AMTN: variants seen among roughly 807,000 people sequenced by gnomAD.
AMTN encodes the protein amelotin, also known as RSTI689.
Under a neutral mutation model 27.4 loss-of-function variants are expected in AMTN, and 29 were observed. The ratio of observed to expected loss-of-function variants is 1.06; its 90% CI spans 0.79 to 1.44. The LOEUF is 1.44. Ranked by LOEUF, AMTN falls within the 40% of genes most tolerant of loss-of-function variation. The pLI is 0.00. For synonymous variants in AMTN, 86 were observed against 95.7 expected (o/e 0.90, Z 0.59); for missense variants, 247 against 248.8 (o/e 0.99, Z 0.05).
intron 2 of AMTN, among the ~76,000 whole-genome samples, chr4:70,522,371 G>A (rs1320760369): frequency 1.3e-5 from 2 of 152,154 alleles, no homozygotes; most frequent in South Asian, 2.1e-4. Context: ...TGAAAAGGTA[G>A]TAAGAATGAC....
rs548941679 is a variant in AMTN, at chr4:70,527,844, T to G, written c.295-879T>G. On this transcript the variant is annotated intron_variant, in intron 5 of 8. Transcript: ENST00000339336. ...CTCACTCGAATCTTTTTCATCTTTT[T>G]GTGAACTAAATTTATAATATTTAGT... 1.5e-3 allele frequency among the ~76,000 whole-genome samples: 225 copies of G among 152,208 alleles called. 1 individual carries two copies. The highest frequency in any genetic ancestry group is 5.4e-4 in the Non-Finnish European group (37 of 68,040).
chr4:70,528,714 T>C lies in AMTN; in HGVS notation c.295-9T>C, dbSNP rs753857280. The C allele has an allele frequency of 2.5e-6, 4 of 1,606,706 alleles. No homozygotes were observed. The South Asian group carries it at 3.3e-5, about 13-fold the overall frequency. On this transcript the variant is annotated splice_polypyrimidine_tract_variant and intron_variant, in intron 5 of 8. Coordinates refer to ENST00000339336, the MANE Select transcript of AMTN (RefSeq NM_212557.4). ...TACTTTTGAAAGAGTTTTTCTCTCA[T>C]TTTTTCAGGTGTTACCAATTTTTGT...
In AMTN at chr4:70,531,132, G is replaced by A. The variant is rs762928865; in HGVS notation, c.451G>A (p.Gly151Arg). Residue 151 changes from glycine (G) to arginine (R), a missense_variant, in exon 8 of 9, where the codon GGA becomes AGA. Transcript: ENST00000339336. ...QAGANPDVQD[G>R]SLPAGGAGVN... ...AGGGGCTAATCCAGATGTCCAGGAT[G>A]GAAGCCTTCCAGCAGGAGGAGCAGG... 2 of 1,614,070 alleles carry A rather than the reference G, an allele frequency of 1.2e-6. No homozygotes were observed. The highest frequency in any genetic ancestry group is 1.1e-5 in the South Asian group (1 of 91,082).
At chr4:70,528,663 C>G in intron 5 of AMTN, 60 bp from the exon 6 acceptor site, 2 of 1,448,288 alleles carry the variant, frequency 1.4e-6, no homozygotes, top group African/African-American at 2.8e-5. Flanking sequence ...AAAAAGATAT[C>G]AGTATTTATA....
In AMTN at chr4:70,531,256, G is replaced by A; in HGVS notation, c.575G>A (p.Arg192Lys). 1 of 1,613,972 alleles carries A rather than the reference G, an allele frequency of 6.2e-7. No homozygotes were observed. The highest frequency in any genetic ancestry group is 8.5e-7 in the Non-Finnish European group (1 of 1,179,944). The change falls in exon 8 of 9, where the codon AGG (arginine) becomes AAG (lysine). Residue 192 changes from arginine (R) to lysine (K), a missense_variant. By Grantham distance (26) the Arg-to-Lys change is conservative. Coordinates refer to ENST00000339336, the MANE Select transcript of AMTN (RefSeq NM_212557.4). ...FAVTTPAGIQ[R>K]STHAIEEATT... ...GTGACCACCCCTGCAGGCATCCAAAGGAGCACACATGCCATCGAGGAAGCC... is the reference window on the plus strand; with the variant it reads ...GTGACCACCCCTGCAGGCATCCAAAAGAGCACACATGCCATCGAGGAAGCC...
chr4:70,532,302 G>A (rs1435996186), intron 8 of AMTN, among the ~76,000 whole-genome samples, 153 bp from the exon 9 acceptor site: 1 of 152,220 alleles, frequency 6.6e-6, no homozygotes, highest in African/African-American at 2.4e-5. Flanking sequence ...TGCTTAACAT[G>A]TGAAAATGTC....
At position 70,523,746 on chromosome 4, in the gene AMTN, A is replaced by G. The variant is rs1052933285; in HGVS notation, c.139-122A>G. ...TGAGAGGCCCCGAGGCTTCATCTTTATTTACCTTCATGGTAAACCCACCTC... is the reference window on the plus strand; with the variant it reads ...TGAGAGGCCCCGAGGCTTCATCTTTGTTTACCTTCATGGTAAACCCACCTC... On this transcript the variant is annotated intron_variant, in intron 3 of 8. Coordinates refer to ENST00000339336, the MANE Select transcript of AMTN (RefSeq NM_212557.4). The G allele has an allele frequency of 2.4e-5, 20 of 817,624 alleles. No homozygotes were observed. In the Admixed American group the frequency reaches 3.6e-4, roughly 15 times the overall value. 50.6% of individuals were successfully genotyped at this position (817,624 alleles called of 1,614,324 possible).
intron 4 of AMTN, among the ~76,000 whole-genome samples, chr4:70,524,657 G>A (rs867475822): frequency 1.5e-5 from 2 of 129,380 alleles, no homozygotes; most frequent in African/African-American, 5.0e-5. Context: ...ACTTAACAGG[G>A]GAAAAGTTAG....
chr4:70,519,636 A>T (rs980301804), intron 2 of AMTN, among the ~76,000 whole-genome samples: 3 of 152,200 alleles, frequency 2.0e-5, no homozygotes, highest in African/African-American at 7.2e-5. Flanking sequence ...CTGAAGAAAC[A>T]ATAGTGAGAA....
In AMTN at chr4:70,523,877, T is replaced by C. The variant is rs34803339; in HGVS notation, c.148T>C (p.Ser50Pro). ...TTTCAATCCCCTGCAGGTCTTTCCT[T>C]CTTTAAGTCTGATACCATTAACACA... ...NQQQSNQVFP[S>P]LSLIPLTQML... The change falls in exon 4 of 9, where the codon TCT becomes CCT. Residue 50 changes from serine to proline, a missense_variant. Physicochemically the swap from Ser to Pro is moderately conservative, Grantham distance 74. Coordinates refer to ENST00000339336, the MANE Select transcript of AMTN (RefSeq NM_212557.4). 9,906 of 1,613,634 alleles carry C rather than the reference T, an allele frequency of 6.1e-3. 310 individuals are homozygous for C. The African/African-American group carries it at 0.073, about 12-fold the overall frequency.
chr4:70,524,467 A>G (rs28619152), intron 4 of AMTN, among the ~76,000 whole-genome samples: 3 of 152,136 alleles, frequency 2.0e-5, no homozygotes, highest in Non-Finnish European at 4.4e-5. Context: ...TCCAGACAAA[A>G]TATGTAGTCT....
Position 70,531,019 on chromosome 4 carries a change from G to C in AMTN, c.358-20G>C, listed in dbSNP as rs1218676588. 6.2e-7 allele frequency: 1 copy of C among 1,611,734 alleles called. No individual in the cohort carries two copies. Among genetic ancestry groups the C allele is most frequent in the Middle Eastern group, 1.7e-4 (1 of 6,034 alleles). Reference sequence around the variant, plus strand: ...TGTGTTGCTTTTAACTTTGTTTTCTGTTTGCTTCCCTCATTCCAGCCACAA... The same window carrying C: ...TGTGTTGCTTTTAACTTTGTTTTCTCTTTGCTTCCCTCATTCCAGCCACAA... On this transcript the variant is annotated intron_variant, in intron 7 of 8. Transcript: ENST00000339336.
At chr4:70,530,669 T>A (rs1252377769) in intron 7 of AMTN, among the ~76,000 whole-genome samples, 1 of 152,234 alleles carries the variant, frequency 6.6e-6, no homozygotes, top group East Asian at 1.9e-4. Flanking sequence ...TCCAATGCCT[T>A]TGAAAAATAC....
chr4:70,520,633 T>C (rs1735933076), intron 2 of AMTN, among the ~76,000 whole-genome samples: 1 of 152,106 alleles, frequency 6.6e-6, no homozygotes, highest in Non-Finnish European at 1.5e-5. Context: ...TAAACCACAG[T>C]GAAGTCTATA....
At chr4:70,524,045 CA>C in intron 4 of AMTN, 112 bp downstream of exon 4, 1 of 788,606 alleles carries the variant, frequency 1.3e-6, no homozygotes, top group Non-Finnish European at 2.0e-6. Flanking sequence ...TGAAAACACA[CA>C]TATACTTATT....
chr4:70,520,410 A>G lies in AMTN; in HGVS notation c.54+1579A>G, dbSNP rs538095310. Reference sequence around the variant, plus strand: ...TCCATTTGCAAATGTGGACACATACAACAGCCTAGCAATTATTTTCAGTAG... The same window carrying G: ...TCCATTTGCAAATGTGGACACATACGACAGCCTAGCAATTATTTTCAGTAG... On this transcript the variant is annotated intron_variant, in intron 2 of 8. Transcript: ENST00000339336. 7.4e-4 allele frequency among the ~76,000 whole-genome samples: 112 copies of G among 152,358 alleles called. 4 individuals are homozygous for G. In the South Asian group the frequency reaches 0.023, roughly 32 times the overall value.
intron 4 of AMTN, among the ~76,000 whole-genome samples, chr4:70,524,306 C>T (rs143690958): frequency 3.9e-5 from 6 of 152,236 alleles, no homozygotes; most frequent in African/African-American, 7.2e-5. Flanking sequence ...CTGGAAGAGA[C>T]AAAGATCTTC....
At chr4:70,518,681 T>C (rs944632327) in intron 1 of AMTN, 27 bp downstream of exon 1, 6 of 976,082 alleles carry the variant, frequency 6.1e-6, no homozygotes, top group Non-Finnish European at 9.8e-6. Context: ...ATGTTTCAAG[T>C]AGAACTTTTG....
chr4:70,524,915 C>A lies in AMTN; in HGVS notation c.248C>A (p.Pro83Gln), dbSNP rs1305859331. 1.9e-6 allele frequency: 3 copies of A among 1,613,966 alleles called. No individual in the cohort carries two copies. The highest frequency in any genetic ancestry group is 1.6e-4 in the Middle Eastern group (1 of 6,082). ...ATGACACCTGGTACCCAGACCCACC[C>A]ATTGACCCTGGGAGGGTTGAATGTA... ...AGMTPGTQTH[P>Q]LTLGGLNVQQ... The change falls in exon 5 of 9, where the codon CCA becomes CAA. Residue 83 changes from proline to glutamine, a missense_variant. Pro to Gln is a moderately conservative substitution (Grantham distance 76, BLOSUM62 -1). Transcript: ENST00000339336.
Sources: allele counts gnomAD v4.1 joint callset (sites outside exome capture counted in the v4.1 genomes callset), GRCh38; gene constraint gnomAD v4.1.1; transcripts MANE v1.5; gene names NCBI Gene and HGNC (gene_info 2026-07-23, HGNC 2026-07-21).